The following LMX1A variants were observed in gnomAD, a reference collection of about 807,000 sequenced individuals.
LMX1A encodes LIM homeobox transcription factor 1 alpha.
A neutral mutation model predicts 49.1 loss-of-function variants in LMX1A; 15 were observed. The observed-to-expected ratio is 0.31, with a 90% CI of 0.20 to 0.47. LMX1A has a LOEUF of 0.47. LMX1A is among the 20% of genes least tolerant of loss of function. The pLI is 1.00. For missense variants in LMX1A, 372 were observed against 475.8 expected (o/e 0.78, Z 2.03); for synonymous variants, 167 against 185.7 (o/e 0.90, Z 0.82).
At chr1:165,349,504 G>A (rs1354544759) in intron 3 of LMX1A, among the ~76,000 whole-genome samples, 1 of 152,132 alleles carries the variant, frequency 6.6e-6, no homozygotes, top group Non-Finnish European at 1.5e-5. Context: ...TGTAAATGTT[G>A]TCATCCCACC....
intron 3 of LMX1A, among the ~76,000 whole-genome samples, chr1:165,310,665 C>T (rs1655050248): frequency 6.6e-6 from 1 of 152,188 alleles, no homozygotes; most frequent in Non-Finnish European, 1.5e-5. Context: ...TCCTTCTCCA[C>T]ACTCCTTTAT....
chr1:165,315,725 A>C (rs1352222981), intron 3 of LMX1A, among the ~76,000 whole-genome samples: 1 of 152,158 alleles, frequency 6.6e-6, no homozygotes, highest in Admixed American at 6.5e-5. Flanking sequence ...AAAACCATCA[A>C]GGAGGCACCA....
intron 4 of LMX1A, among the ~76,000 whole-genome samples, chr1:165,217,419 G>A (rs1166318334): frequency 2.0e-5 from 3 of 152,320 alleles, no homozygotes; most frequent in South Asian, 4.1e-4. Context: ...TAGGTTAGCC[G>A]TTGGGGCCTA....
intron 3 of LMX1A, among the ~76,000 whole-genome samples, chr1:165,344,341 G>T (rs1477654794): frequency 6.6e-6 from 1 of 152,194 alleles, no homozygotes; most frequent in African/African-American, 2.4e-5. Flanking sequence ...CACATGCACA[G>T]TAGGAATTCC....
At chr1:165,292,617 A>T (rs1273370357) in intron 3 of LMX1A, among the ~76,000 whole-genome samples, 1 of 152,224 alleles carries the variant, frequency 6.6e-6, no homozygotes, top group Admixed American at 6.5e-5. Flanking sequence ...ATGCCTGAGG[A>T]TGAAAATTAT....
At chr1:165,223,032 T>TA in intron 4 of LMX1A, among the ~76,000 whole-genome samples, 1 of 151,242 alleles carries the variant, frequency 6.6e-6, no homozygotes. Context: ...GGTGGTGGGG[T>TA]GGGGGAGTGA....
intron 5 of LMX1A, 101 bp downstream of exon 5, chr1:165,213,540 T>C (rs1225890765): frequency 1.8e-6 from 2 of 1,114,840 alleles, no homozygotes; most frequent in Non-Finnish European, 2.6e-6. Context: ...ACAGCCTTCC[T>C]CACCACTGTG....
Position 165,213,802 on chromosome 1 carries a change from C to T in LMX1A, c.508G>A (p.Asp170Asn). The T allele has an allele frequency of 6.2e-7, 1 of 1,614,024 alleles. No individual in the cohort carries two copies. Among genetic ancestry groups the T allele is most frequent in the Admixed American group, 1.7e-5 (1 of 59,984 alleles). Residue 170 changes from aspartate (D) to asparagine (N), a missense_variant, in exon 5 of 9, where the codon GAT becomes AAT. Asp to Asn is a conservative substitution (Grantham distance 23). Coordinates refer to ENST00000342310, the MANE Select transcript of LMX1A (RefSeq NM_177398.4). ...GCTGACTTGCAGAGACTTTCTTCATCATCACTTTTACCTGAAAGAAGCAAA... is the reference window on the plus strand; with the variant it reads ...GCTGACTTGCAGAGACTTTCTTCATTATCACTTTTACCTGAAAGAAGCAAA... Reference protein sequence around the residue: ...PAASDSGKSDDEESLCKSAHG... With the variant: ...PAASDSGKSDNEESLCKSAHG...
intron 2 of LMX1A, among the ~76,000 whole-genome samples, chr1:165,354,037 T>G (rs942501621): frequency 6.6e-6 from 1 of 152,188 alleles, no homozygotes; most frequent in Admixed American, 6.5e-5. Flanking sequence ...ATCCACTCTT[T>G]GCTACCCCTT....
chr1:165,257,062 G>A (rs954444092), intron 3 of LMX1A, among the ~76,000 whole-genome samples: 4 of 152,130 alleles, frequency 2.6e-5, no homozygotes, highest in Non-Finnish European at 4.4e-5. Context: ...GGGGGCTTGT[G>A]GAGGACAGGA....
intron 3 of LMX1A, among the ~76,000 whole-genome samples, chr1:165,266,800 A>G (rs1653637909): frequency 1.3e-5 from 2 of 150,940 alleles, no homozygotes; most frequent in African/African-American, 2.4e-5. Flanking sequence ...GCAGGGTTTC[A>G]CCGCGTTAGC....
At chr1:165,248,241 GA>G (rs1652927358) in intron 4 of LMX1A, among the ~76,000 whole-genome samples, 1 of 152,110 alleles carries the variant, frequency 6.6e-6, no homozygotes, top group African/African-American at 2.4e-5. Flanking sequence ...TAAGATTTGA[GA>G]GTAGATGAGA....
At chr1:165,256,855 AT>A (rs577388763) in intron 3 of LMX1A, among the ~76,000 whole-genome samples, 132 of 152,184 alleles carry the variant, frequency 8.7e-4, no homozygotes, top group African/African-American at 3.0e-3. Context: ...GAAGCACTGA[AT>A]TTCGGGATGC....
chr1:165,293,847 G>A (rs966615707), intron 3 of LMX1A, among the ~76,000 whole-genome samples: 3 of 152,074 alleles, frequency 2.0e-5, no homozygotes, highest in Non-Finnish European at 2.9e-5. Flanking sequence ...TGATCTAATC[G>A]CCTCCCAAAG....
At chr1:165,282,071 TG>T (rs1222202774) in intron 3 of LMX1A, among the ~76,000 whole-genome samples, 5 of 152,230 alleles carry the variant, frequency 3.3e-5, no homozygotes, top group Non-Finnish European at 7.3e-5. Flanking sequence ...CTTGCCACTC[TG>T]CTTCCTGCTG....
chr1:165,275,001 A>T (rs1653921767), intron 3 of LMX1A, among the ~76,000 whole-genome samples: 1 of 152,228 alleles, frequency 6.6e-6, no homozygotes, highest in Admixed American at 6.5e-5. Context: ...TATGAGTTCT[A>T]GCATGATTTC....
intron 3 of LMX1A, among the ~76,000 whole-genome samples, chr1:165,338,167 A>G (rs1225470241): frequency 6.6e-6 from 1 of 152,138 alleles, no homozygotes; most frequent in African/African-American, 2.4e-5. Context: ...AATTAGCACA[A>G]TCTGGTAAAA....
intron 3 of LMX1A, among the ~76,000 whole-genome samples, chr1:165,328,814 T>C (rs955518773): frequency 1.3e-5 from 2 of 152,234 alleles, no homozygotes; most frequent in African/African-American, 2.4e-5. Context: ...GGAAAGAACA[T>C]GGCTTCCAGA....
At position 165,208,143 on chromosome 1, in the gene LMX1A, G is replaced by C; in HGVS notation, c.748-11C>G. The C allele has an allele frequency of 6.2e-7, 1 of 1,613,678 alleles. No individual in the cohort carries two copies. Among genetic ancestry groups the C allele is most frequent in the South Asian group, 1.1e-5 (1 of 91,028 alleles). On this transcript the variant is annotated splice_polypyrimidine_tract_variant and intron_variant, in intron 6 of 8. Transcript: ENST00000342310. ...GGCCAGCTTCTTCATCTGATAAGGAGAGGACCATAGGATTAGAAGTCAGGT... is the reference window on the plus strand; with the variant it reads ...GGCCAGCTTCTTCATCTGATAAGGACAGGACCATAGGATTAGAAGTCAGGT...
Sources: allele counts gnomAD v4.1 joint callset (sites outside exome capture counted in the v4.1 genomes callset), GRCh38; gene constraint gnomAD v4.1.1; transcripts MANE v1.5; gene names NCBI Gene and HGNC (gene_info 2026-07-23, HGNC 2026-07-21).